The following ZNF516 variants were observed in gnomAD, a reference collection of about 807,000 sequenced individuals.
ZNF516 encodes the protein zinc finger protein 516.
A neutral mutation model predicts 79.7 loss-of-function variants in ZNF516; 19 were observed. The ratio of observed to expected loss-of-function variants is 0.24; its 90% CI spans 0.17 to 0.35. ZNF516 has a LOEUF of 0.35. Ranked by LOEUF, ZNF516 falls within the 10% of genes least tolerant of loss-of-function variation. The probability of loss-of-function intolerance (pLI) is 1.00; values close to 1 mark genes in which losing one functional copy is unlikely to be tolerated. For missense variants in ZNF516, 1,678 were observed against 1,679.5 expected, an observed-to-expected ratio of 1.00 and a Z score of 0.02; for synonymous variants, 877 against 739.5, an observed-to-expected ratio of 1.19 and a Z score of -3.02.
At position 76,441,711 on chromosome 18, in the gene ZNF516, G is replaced by A. The variant is rs753302726; in HGVS notation, c.1344C>T (p.Ala448=). Residue 448 remains alanine, a synonymous_variant, in exon 3 of 7, where the codon GCC becomes GCT. Transcript: ENST00000443185. ...AWDEALAGDV[A]FDKDRREYVL... ...CGTACTCGCGCCTGTCCTTGTCGAAGGCCACGTCCCCGGCCAGCGCCTCGT... is the reference window on the plus strand; with the variant it reads ...CGTACTCGCGCCTGTCCTTGTCGAAAGCCACGTCCCCGGCCAGCGCCTCGT... 2.5e-6 allele frequency: 4 copies of A among 1,572,802 alleles called. No homozygotes were observed. The highest frequency in any genetic ancestry group is 8.6e-7 in the Non-Finnish European group (1 of 1,163,152).
intron 2 of ZNF516, among the ~76,000 whole-genome samples, chr18:76,445,348 C>T (rs1911981009): frequency 6.6e-6 from 1 of 151,930 alleles, no homozygotes; most frequent in Non-Finnish European, 1.5e-5. Flanking sequence ...TGACCTTTTA[C>T]TCCAAGCTAA....
In ZNF516 at chr18:76,441,927, G is replaced by C; in HGVS notation, c.1128C>G (p.Pro376=). The change falls in exon 3 of 7, where the codon CCC becomes CCG. Residue 376 remains proline (P), a synonymous_variant. Transcript: ENST00000443185. ...GGAGGAAGAACTGCTTGGTGTCCGA[G>C]GGCCCCTCCGCCCCCTCCTCGGCCG... ...RAPAEEGAEG[P]SDTKQFFLQC... 1 of 1,607,778 alleles carries C rather than the reference G, an allele frequency of 6.2e-7. No individual in the cohort carries two copies. The highest frequency in any genetic ancestry group is 8.5e-7 in the Non-Finnish European group (1 of 1,178,656).
At chr18:76,390,919 G>C (rs898504117) in intron 3 of ZNF516, among the ~76,000 whole-genome samples, 5 of 152,128 alleles carry the variant, frequency 3.3e-5, no homozygotes, top group African/African-American at 1.2e-4. Flanking sequence ...GCACAAAGCA[G>C]CTTATCTAAG....
In ZNF516 at chr18:76,379,367, G is replaced by C; in HGVS notation, c.2747C>G (p.Pro916Arg). 1 of 1,596,540 alleles carries C rather than the reference G, an allele frequency of 6.3e-7. No homozygotes were observed. Among genetic ancestry groups the C allele is most frequent in the Non-Finnish European group, 8.5e-7 (1 of 1,171,204 alleles). The change falls in exon 4 of 7, where the codon CCG becomes CGG. Residue 916 changes from proline (P) to arginine (R), a missense_variant. Physicochemically the swap from Pro to Arg is moderately radical, Grantham distance 103. Coordinates refer to ENST00000443185, the MANE Select transcript of ZNF516 (RefSeq NM_014643.4). The part of the protein sequence containing the change: ...AKPRQEASSK[P>R]VPAPGGGGFS... ...GCCCCCGCCACCCGGGGCAGGCACC[G>C]GTTTGGAGCTAGCCTCCTGCCTGGG...
intron 2 of ZNF516, among the ~76,000 whole-genome samples, chr18:76,444,451 A>C (rs958036712): frequency 6.6e-6 from 1 of 152,208 alleles, no homozygotes; most frequent in East Asian, 1.9e-4. Flanking sequence ...ATAAGCCTAC[A>C]ATCTCACACA....
Position 76,424,150 on chromosome 18 carries a change from C to T in ZNF516, c.1810+17095G>A, listed in dbSNP as rs549960927. Among the ~76,000 whole-genome samples, 150 of 89,854 alleles carry T rather than the reference C, an allele frequency of 1.7e-3. 12 individuals carry two copies. The highest frequency in any genetic ancestry group is 6.3e-3 in the African/African-American group (139 of 22,158). 58.9% of individuals were successfully genotyped at this position (89,854 alleles called of 152,430 possible). ...TGAAAAGTTTCCCCCATGAAACACA[C>T]GCAGGTGAAAAGGTTACCCCATGAA... is the stretch of plus-strand genomic sequence containing the variant. On this transcript the variant is annotated intron_variant, in intron 3 of 6. Transcript: ENST00000443185.
intron 3 of ZNF516, among the ~76,000 whole-genome samples, chr18:76,401,658 A>C (rs2075225284): frequency 6.6e-6 from 1 of 150,972 alleles, no homozygotes; most frequent in South Asian, 2.1e-4. Flanking sequence ...CTCCTGGGGC[A>C]AGGTGAGCCC....
chr18:76,449,222 G>A (rs753799449), intron 2 of ZNF516, among the ~76,000 whole-genome samples: 6 of 152,310 alleles, frequency 3.9e-5, no homozygotes, highest in Non-Finnish European at 7.3e-5. Context: ...AAGTCTGCAA[G>A]ATGAAGCCAA....
chr18:76,386,065 T>C (rs529811695), intron 3 of ZNF516: 1 of 152,378 alleles, frequency 6.6e-6, no homozygotes, highest in East Asian at 1.9e-4. Flanking sequence ...TGCCCCTCTA[T>C]ATTGGGCTTC....
At chr18:76,474,927 T>C (rs529265016) in intron 1 of ZNF516, among the ~76,000 whole-genome samples, 1 of 152,260 alleles carries the variant, frequency 6.6e-6, no homozygotes, top group East Asian at 1.9e-4. Context: ...CAAAATTCAC[T>C]CAGGGACAAA....
Position 76,493,306 on chromosome 18 carries a change from A to C in ZNF516, c.-272+1838T>G, listed in dbSNP as rs1460841999. ...AGGCGGAAAGGGAGCTCCGAGAAAG[A>C]AGGAGGGGTCATTCCGCGGGGGGCG... On this transcript the variant is annotated intron_variant, in intron 1 of 6. Transcript: ENST00000443185. This position sits in a 1 kb window ranked among gnomAD's most constrained non-coding sequence, Gnocchi z 5.2. The C allele has an allele frequency of 1.7e-5, 2 of 115,730 alleles. No individual in the cohort carries two copies. Among genetic ancestry groups the C allele is most frequent in the Non-Finnish European group, 2.6e-5 (2 of 75,618 alleles). The allele number at this position is 115,730 out of a possible 1,614,324, so 7.2% of individuals were successfully genotyped here. A position where few individuals can be genotyped will look rare whatever the true frequency, so the allele number is the denominator to read the frequency against.
intron 3 of ZNF516, among the ~76,000 whole-genome samples, chr18:76,408,282 C>T (rs2075328245): frequency 6.6e-6 from 1 of 152,224 alleles, no homozygotes; most frequent in Non-Finnish European, 1.5e-5. Context: ...GACACAATGA[C>T]TGTTTCCAAG....
At chr18:76,445,176 G>A (rs992463304) in intron 2 of ZNF516, among the ~76,000 whole-genome samples, 1 of 151,096 alleles carries the variant, frequency 6.6e-6, no homozygotes, top group African/African-American at 2.4e-5. Flanking sequence ...AGCATCGCTT[G>A]AACCCGGGAG....
chr18:76,490,685 A>T, intron 1 of ZNF516: 1 of 789,114 alleles, frequency 1.3e-6, no homozygotes, highest in Non-Finnish European at 1.5e-6. Context: ...AATTACCTTC[A>T]ATCAAGATTC....
intron 1 of ZNF516, among the ~76,000 whole-genome samples, chr18:76,482,137 C>T (rs1425697972): frequency 1.3e-5 from 2 of 152,126 alleles, no homozygotes; most frequent in East Asian, 1.9e-4. Context: ...AGAACTGATG[C>T]CTTTTTTTCC....
chr18:76,412,584 G>A lies in ZNF516; in HGVS notation c.1810+28661C>T, dbSNP rs138180701. 4.6e-5 allele frequency among the ~76,000 whole-genome samples: 7 copies of A among 152,150 alleles called. No homozygotes were observed. The East Asian group carries it at 1.4e-3, about 29-fold the overall frequency. ...GAGACTGACCTCATTTCTTCCTCAA[G>A]GACTGCAATGCACTGGGTAATAGAG... On this transcript the variant is annotated intron_variant, in intron 3 of 6. Transcript: ENST00000443185.
Position 76,378,924 on chromosome 18 carries a change from A to C in ZNF516, c.3190T>G (p.Tyr1064Asp). 2 of 1,613,850 alleles carry C rather than the reference A, an allele frequency of 1.2e-6. No individual in the cohort carries two copies. The highest frequency in any genetic ancestry group is 1.7e-6 in the Non-Finnish European group (2 of 1,179,828). The stretch of plus-strand genomic sequence containing the variant: ...AGGGTCGCAAAGTCCTTTGGAATGT[A>C]CGTCTTAAAGATGTTGAGGATGTCC... ...RLDILNIFKT[Y>D]IPKDFATLYQ... Residue 1064 changes from tyrosine (Y) to aspartate (D), a missense_variant, in exon 4 of 7, where the codon TAC (tyrosine) becomes GAC (aspartate). Physicochemically the swap from Tyr to Asp is radical, Grantham distance 160. Around this residue, in one of 5 missense-constraint regions of ZNF516, gnomAD observed 1,294 missense variants for 1,248.3 expected, o/e 1.04. Transcript: ENST00000443185.
intron 2 of ZNF516, among the ~76,000 whole-genome samples, chr18:76,444,789 C>T (rs1469562415): frequency 6.6e-6 from 1 of 152,214 alleles, no homozygotes; most frequent in Non-Finnish European, 1.5e-5. Context: ...AATACTTCAA[C>T]TCCCGAGGGC....
Position 76,379,376 on chromosome 18 carries a change from C to A in ZNF516, c.2738G>T (p.Ser913Ile), listed in dbSNP as rs368797113. The A allele has an allele frequency of 1.3e-5, 21 of 1,598,260 alleles. No individual in the cohort carries two copies. The highest frequency in any genetic ancestry group is 1.8e-5 in the Non-Finnish European group (21 of 1,172,182). Residue 913 changes from serine to isoleucine, a missense_variant, in exon 4 of 7, where the codon AGC becomes ATC. Around this residue, in one of 5 missense-constraint regions of ZNF516, gnomAD observed 1,294 missense variants for 1,248.3 expected, o/e 1.04. Coordinates refer to ENST00000443185, the MANE Select transcript of ZNF516 (RefSeq NM_014643.4). ...GPLAKPRQEA[S>I]SKPVPAPGGG... is the part of the protein sequence containing the mutation. Reference sequence around the variant, plus strand: ...ACCCGGGGCAGGCACCGGTTTGGAGCTAGCCTCCTGCCTGGGCTTGGCCAG... The same window carrying A: ...ACCCGGGGCAGGCACCGGTTTGGAGATAGCCTCCTGCCTGGGCTTGGCCAG...
Sources: allele counts gnomAD v4.1 joint callset (sites outside exome capture counted in the v4.1 genomes callset), GRCh38; gene constraint gnomAD v4.1.1; regional missense constraint gnomAD v4.1.1; non-coding constraint Gnocchi (gnomAD v3.1); transcripts MANE v1.5; gene names NCBI Gene and HGNC (gene_info 2026-07-23, HGNC 2026-07-21).